Variants in CNTN5 observed in about 807,000 individuals in gnomAD.
CNTN5 encodes contactin 5, also known as contactin-5.
In CNTN5, 77 loss-of-function variants were observed where a neutral mutation model predicts 129.1. The observed-to-expected ratio is 0.60, with a 90% CI of 0.50 to 0.72. CNTN5 has a LOEUF of 0.72. Ranked by LOEUF, CNTN5 falls within the 30% of genes least tolerant of loss-of-function variation. CNTN5 has a pLI of 0.00. For synonymous variants in CNTN5, 509 were observed against 465.6 expected (o/e 1.09, Z -1.20); for missense variants, 1,478 against 1,328.8 (o/e 1.11, Z -1.75).
At chr11:100,087,361 C>T (rs546900810) in intron 13 of CNTN5, among the ~76,000 whole-genome samples, 1 of 151,686 alleles carries the variant, frequency 6.6e-6, no homozygotes, top group Non-Finnish European at 1.5e-5. Flanking sequence ...CACCAAAAAA[C>T]TCAAGGTGTA....
intron 1 of CNTN5, among the ~76,000 whole-genome samples, chr11:99,222,719 G>T (rs11218902): frequency 0.4 from 61,289 of 151,726 alleles, 12,921 homozygotes; most frequent in African/African-American, 0.49. Context: ...TAATTAATTT[G>T]AATCGTAATG....
intron 20 of CNTN5, among the ~76,000 whole-genome samples, chr11:100,300,065 C>A (rs998918581): frequency 4.6e-5 from 7 of 151,464 alleles, no homozygotes; most frequent in Non-Finnish European, 1.0e-4. Flanking sequence ...CCTTCATATG[C>A]ATGACCATGT....
intron 1 of CNTN5, among the ~76,000 whole-genome samples, chr11:99,136,592 C>G (rs1419812291): frequency 6.6e-6 from 1 of 152,158 alleles, no homozygotes; most frequent in African/African-American, 2.4e-5. Context: ...GAACCAACAT[C>G]CATTCTTTTA....
At chr11:99,445,138 A>G (rs1416988458) in intron 2 of CNTN5, among the ~76,000 whole-genome samples, 2 of 149,104 alleles carry the variant, frequency 1.3e-5, no homozygotes, top group Admixed American at 6.7e-5. Context: ...AAGTGTCCCT[A>G]TTTAATCATA....
intron 1 of CNTN5, among the ~76,000 whole-genome samples, chr11:99,085,247 G>A (rs1363048131): frequency 7.0e-6 from 1 of 142,820 alleles, no homozygotes; most frequent in Non-Finnish European, 1.5e-5. Flanking sequence ...GTTTTACCAT[G>A]TTGGCCCAGG....
intron 9 of CNTN5, among the ~76,000 whole-genome samples, chr11:100,021,553 T>C (rs1346022138): frequency 9.8e-5 from 15 of 152,352 alleles, no homozygotes; most frequent in Non-Finnish European, 2.9e-5. Flanking sequence ...CCTTTACCAC[T>C]ATAAAATATT....
Position 100,282,356 on chromosome 11 carries a change from T to C in CNTN5, c.2314+11115T>C, listed in dbSNP as rs1277335624. ...GAGACTAGTAGAGGTACTGCCTTGA[T>C]AATCTTGAAGAAGGTCTGAAAGAAT... On this transcript the variant is annotated intron_variant, in intron 18 of 24. Transcript: ENST00000524871. 7.2e-5 allele frequency among the ~76,000 whole-genome samples: 11 copies of C among 152,360 alleles called. 1 individual carries two copies. Among genetic ancestry groups the C allele is most frequent in the African/African-American group, 2.6e-4 (11 of 41,584 alleles).
intron 3 of CNTN5, among the ~76,000 whole-genome samples, chr11:99,612,633 G>C (rs554472446): frequency 1.6e-3 from 247 of 152,290 alleles, no homozygotes; most frequent in Non-Finnish European, 1.5e-3. Context: ...CTCCAAAGCT[G>C]CCTTTACAAA....
intron 3 of CNTN5, among the ~76,000 whole-genome samples, chr11:99,655,888 A>T (rs1952338714): frequency 6.6e-6 from 1 of 152,094 alleles, no homozygotes; most frequent in Non-Finnish European, 1.5e-5. Flanking sequence ...TATTCCATTT[A>T]GCTATTCAGA....
intron 13 of CNTN5, among the ~76,000 whole-genome samples, chr11:100,157,315 CATG>C (rs1483301345): frequency 3.3e-5 from 5 of 151,710 alleles, no homozygotes; most frequent in Non-Finnish European, 2.9e-5. Flanking sequence ...AGTTTTATAT[CATG>C]ATAAGAGCAA....
At chr11:99,172,670 C>G (rs1028451490) in intron 1 of CNTN5, among the ~76,000 whole-genome samples, 1 of 152,124 alleles carries the variant, frequency 6.6e-6, no homozygotes, top group Non-Finnish European at 1.5e-5. Context: ...ATAAGCACAA[C>G]AATGAATCTA....
At chr11:100,004,699 C>T (rs1940084452) in intron 9 of CNTN5, among the ~76,000 whole-genome samples, 1 of 152,128 alleles carries the variant, frequency 6.6e-6, no homozygotes. Context: ...AGCAATGACT[C>T]ATTGTCATGT....
At chr11:99,231,477 C>A (rs1398758402) in intron 1 of CNTN5, among the ~76,000 whole-genome samples, 2 of 152,156 alleles carry the variant, frequency 1.3e-5, no homozygotes, top group African/African-American at 4.8e-5. Flanking sequence ...GTGTCCTTTG[C>A]CCACTTTTTA....
At chr11:100,028,372 A>G (rs899104958) in intron 9 of CNTN5, among the ~76,000 whole-genome samples, 1 of 152,148 alleles carries the variant, frequency 6.6e-6, no homozygotes, top group Non-Finnish European at 1.5e-5. Flanking sequence ...ATCCTCTCTG[A>G]ACTGCATTTT....
At chr11:99,530,463 G>T (rs941981574) in intron 2 of CNTN5, among the ~76,000 whole-genome samples, 23 of 140,536 alleles carry the variant, frequency 1.6e-4, no homozygotes, top group Middle Eastern at 3.5e-3. Flanking sequence ...TACACTTTTA[G>T]TCTAGGCAAT....
At chr11:100,231,980 C>A (rs969214015) in intron 16 of CNTN5, among the ~76,000 whole-genome samples, 1 of 151,860 alleles carries the variant, frequency 6.6e-6, no homozygotes, top group East Asian at 1.9e-4. Context: ...ATGGGGAAAC[C>A]CTGTCTTTAC....
intron 9 of CNTN5, among the ~76,000 whole-genome samples, chr11:100,022,583 C>T (rs1941218126): frequency 6.6e-6 from 1 of 152,120 alleles, no homozygotes; most frequent in Non-Finnish European, 1.5e-5. Context: ...ATAATGAGAA[C>T]ATTAATTTAT....
chr11:99,921,571 C>T (rs1490273847), intron 7 of CNTN5, among the ~76,000 whole-genome samples: 1 of 152,152 alleles, frequency 6.6e-6, no homozygotes, highest in Non-Finnish European at 1.5e-5. Flanking sequence ...CATATACTGC[C>T]TTAATTTTTC....
chr11:99,873,940 C>G (rs574498207), intron 6 of CNTN5, among the ~76,000 whole-genome samples: 43 of 152,124 alleles, frequency 2.8e-4, no homozygotes, highest in African/African-American at 1.0e-3. Context: ...AGGCCATTAT[C>G]CTAAGTGAAC....
Sources: allele counts gnomAD v4.1 joint callset (sites outside exome capture counted in the v4.1 genomes callset), GRCh38; gene constraint gnomAD v4.1.1; transcripts MANE v1.5; gene names NCBI Gene and HGNC (gene_info 2026-07-23, HGNC 2026-07-21).